Variants in NLGN4Y observed in about 807,000 individuals in gnomAD.
NLGN4Y encodes neuroligin-4, Y-linked.
In NLGN4Y, 4 loss-of-function variants were observed where a neutral mutation model predicts 8.4. The observed-to-expected ratio is 0.48, with a 90% CI of 0.23 to 1.09. The LOEUF is 1.09. Among genes scored for constraint, NLGN4Y ranks in the 50% least tolerant of loss-of-function variants. The probability of loss-of-function intolerance (pLI) is 0.19; values close to 1 mark genes in which losing one functional copy is unlikely to be tolerated. For missense variants in NLGN4Y, 90 were observed against 192.3 expected (o/e 0.47, Z 3.15); for synonymous variants, 35 against 75.6 (o/e 0.46, Z 2.78).
intron 2 of NLGN4Y, among the ~76,000 whole-genome samples, chrY:14,656,499 ATTGC>A (rs2080651970): frequency 3.3e-5 from 1 of 30,207 alleles, no homozygotes; most frequent in Non-Finnish European, 7.9e-5. Flanking sequence ...AGGCAGGAGA[ATTGC>A]TTGAATCTAG....
At chrY:14,673,517 C>T in intron 2 of NLGN4Y, among the ~76,000 whole-genome samples, 1 of 33,407 alleles carries the variant, frequency 3.0e-5, no homozygotes, top group African/African-American at 1.2e-4. Flanking sequence ...GTCATTAAAA[C>T]GTCAGGAAAT....
At chrY:14,681,409 G>T in intron 2 of NLGN4Y, among the ~76,000 whole-genome samples, 1 of 32,536 alleles carries the variant, frequency 3.1e-5, no homozygotes, top group Non-Finnish European at 7.5e-5. Context: ...GGGGGGAACT[G>T]CCCCCATGAT....
chrY:14,774,294 C>T, intron 4 of NLGN4Y, among the ~76,000 whole-genome samples: 1 of 33,355 alleles, frequency 3.0e-5, no homozygotes, highest in Admixed American at 2.7e-4. Context: ...CTAAAAGGAA[C>T]TTAAACAAAT....
chrY:14,733,598 A>G, intron 4 of NLGN4Y: 1 of 156,099 alleles, frequency 6.4e-6, no homozygotes, highest in East Asian at 1.2e-4. Flanking sequence ...CCCAACATGC[A>G]AAATAAACAA....
intron 1 of NLGN4Y, among the ~76,000 whole-genome samples, chrY:14,532,684 G>A: frequency 3.0e-5 from 1 of 33,225 alleles, no homozygotes; most frequent in African/African-American, 1.2e-4. Flanking sequence ...TCACAAGAAC[G>A]TTGTTAAGAT....
chrY:14,679,069 C>T (rs2080759748), intron 2 of NLGN4Y, among the ~76,000 whole-genome samples: 2 of 32,988 alleles, frequency 6.1e-5, no homozygotes, highest in Non-Finnish European at 1.5e-4. Context: ...TCAGCCTTAG[C>T]CTCCCAGGTT....
chrY:14,587,740 T>C (rs2080346472), intron 1 of NLGN4Y, among the ~76,000 whole-genome samples: 1 of 33,049 alleles, frequency 3.0e-5, no homozygotes, highest in South Asian at 7.1e-4. Context: ...ATGTGGATGT[T>C]CCTTTTGGTA....
intron 4 of NLGN4Y, among the ~76,000 whole-genome samples, chrY:14,754,592 T>A: frequency 3.0e-5 from 1 of 33,389 alleles, no homozygotes; most frequent in Non-Finnish European, 7.4e-5. Context: ...CTATCTTAAT[T>A]ATTTACTTCT....
intron 2 of NLGN4Y, among the ~76,000 whole-genome samples, chrY:14,702,553 G>C: frequency 3.0e-5 from 1 of 33,203 alleles, no homozygotes; most frequent in Non-Finnish European, 7.4e-5. Context: ...TCTTAATCCA[G>C]GCTATCATTG....
intron 4 of NLGN4Y, among the ~76,000 whole-genome samples, chrY:14,741,673 T>C (rs754237194): frequency 2.9e-5 from 1 of 34,804 alleles, no homozygotes; most frequent in Non-Finnish European, 7.3e-5. Context: ...TCTCTACTTA[T>C]GTGTTTTAGT....
intron 4 of NLGN4Y, among the ~76,000 whole-genome samples, chrY:14,802,038 C>G: frequency 3.0e-5 from 1 of 33,150 alleles, no homozygotes; most frequent in Non-Finnish European, 7.4e-5. Flanking sequence ...TAAAATTTTA[C>G]AGACTACCCA....
intron 2 of NLGN4Y, among the ~76,000 whole-genome samples, chrY:14,643,802 A>C (rs2080600295): frequency 2.9e-5 from 1 of 34,067 alleles, no homozygotes; most frequent in Non-Finnish European, 7.3e-5. Context: ...AGCCTTTAGC[A>C]CAGTTAAAGT....
At chrY:14,601,244 G>T in intron 1 of NLGN4Y, among the ~76,000 whole-genome samples, 1 of 30,839 alleles carries the variant, frequency 3.2e-5, no homozygotes, top group Non-Finnish European at 7.8e-5. Context: ...TGGGATTACA[G>T]GTGCACACCA....
At chrY:14,662,433 T>G (rs2080678360) in intron 2 of NLGN4Y, among the ~76,000 whole-genome samples, 1 of 33,634 alleles carries the variant, frequency 3.0e-5, no homozygotes, top group African/African-American at 1.2e-4. Flanking sequence ...GTTTTTGTCA[T>G]GTAAGTGAGC....
chrY:14,821,795 A>T (rs756396018), intron 4 of NLGN4Y, among the ~76,000 whole-genome samples: 1 of 34,381 alleles, frequency 2.9e-5, no homozygotes, highest in South Asian at 6.3e-4. Flanking sequence ...GAATTCAGGC[A>T]TCTGTCATTT....
intron 4 of NLGN4Y, among the ~76,000 whole-genome samples, chrY:14,764,901 C>T: frequency 2.9e-5 from 1 of 34,060 alleles, no homozygotes; most frequent in Non-Finnish European, 7.3e-5. Context: ...TAAAAGAAGA[C>T]AGTACAGGAA....
chrY:14,534,040 G>A, intron 1 of NLGN4Y, among the ~76,000 whole-genome samples: 6 of 33,247 alleles, frequency 1.8e-4, no homozygotes, highest in Non-Finnish European at 3.7e-4. Context: ...ATTGTAAACA[G>A]TGCTGCAGTA....
chrY:14,548,973 T>C, intron 1 of NLGN4Y, among the ~76,000 whole-genome samples: 1 of 32,915 alleles, frequency 3.0e-5, no homozygotes, highest in African/African-American at 1.2e-4. Flanking sequence ...TAATTTCCTT[T>C]GGAGAGACCC....
At chrY:14,722,237 G>C (rs769022815) in intron 3 of NLGN4Y, among the ~76,000 whole-genome samples, 2 of 32,198 alleles carry the variant, frequency 6.2e-5, no homozygotes, top group South Asian at 1.4e-3. Context: ...TTTAACTATA[G>C]CTTTTCCTTT....
Sources: gnomAD v4.1 joint callset for allele counts (sites outside exome capture counted in the v4.1 genomes callset) on GRCh38, gnomAD v4.1.1 for gene constraint, MANE v1.5 for transcripts, NCBI Gene and HGNC (gene_info 2026-07-23, HGNC 2026-07-21) for gene names.